Variants in KHDRBS2 observed in about 807,000 individuals in gnomAD.
KHDRBS2 encodes the protein KH domain-containing, RNA-binding, signal transduction-associated protein 2.
A neutral mutation model predicts 44.3 loss-of-function variants in KHDRBS2; 26 were observed. The ratio of observed to expected loss-of-function variants is 0.59; its 90% confidence interval spans 0.43 to 0.81. The LOEUF is 0.81. Ranked by LOEUF, KHDRBS2 falls within the 40% of genes least tolerant of loss-of-function variation. KHDRBS2 has a pLI of 0.00. For synonymous variants in KHDRBS2, 194 were observed against 151.1 expected (o/e 1.28, Z -2.08); for missense variants, 476 against 433.1 (o/e 1.10, Z -0.88).
chr6:61,614,701 TCA>T, the KHDRBS2 span, among the ~76,000 whole-genome samples: 1 of 152,152 alleles, frequency 6.6e-6, no homozygotes, highest in African/African-American at 2.4e-5. Context: ...TTTACTTTTT[TCA>T]CAGAGTGTGG....
intron 3 of KHDRBS2, among the ~76,000 whole-genome samples, chr6:62,009,178 T>C (rs971952865): frequency 2.0e-5 from 3 of 152,150 alleles, no homozygotes; most frequent in African/African-American, 7.2e-5. Flanking sequence ...TGGTCTCAGA[T>C]GGAGATGAGG....
Position 62,253,491 on chromosome 6 carries a change from C to T in KHDRBS2, c.91+32367G>A, listed in dbSNP as rs1836879764. On this transcript the variant is annotated intron_variant, in intron 1 of 8. Coordinates refer to ENST00000281156, the MANE Select transcript of KHDRBS2 (RefSeq NM_152688.4). ...CTCTATTCCCCCTGCAACCCTGCCT[C>T]CTCCTCTTTGGCCTTTTCTTCCGTC... 2.6e-5 allele frequency among the ~76,000 whole-genome samples: 4 copies of T among 151,844 alleles called. No homozygotes were observed. In the South Asian group the frequency reaches 8.3e-4, roughly 32 times the overall value.
intron 1 of KHDRBS2, among the ~76,000 whole-genome samples, chr6:62,229,701 C>T (rs967733557): frequency 3.3e-5 from 5 of 152,168 alleles, no homozygotes; most frequent in African/African-American, 1.2e-4. Flanking sequence ...TTTCCCCAAG[C>T]TGGGTAGCAC....
At chr6:61,935,107 T>A (rs1462038516) in intron 4 of KHDRBS2, among the ~76,000 whole-genome samples, 1 of 152,128 alleles carries the variant, frequency 6.6e-6, no homozygotes, top group African/African-American at 2.4e-5. Context: ...TTTCTATTTC[T>A]AAAACCCCTA....
intron 4 of KHDRBS2, among the ~76,000 whole-genome samples, chr6:61,954,054 G>A (rs12204931): frequency 6.6e-6 from 1 of 152,048 alleles, no homozygotes. Context: ...ATCAAGGTCT[G>A]TCAAATAGTA....
At chr6:61,943,818 A>G (rs887913663) in intron 4 of KHDRBS2, among the ~76,000 whole-genome samples, 2 of 152,134 alleles carry the variant, frequency 1.3e-5, no homozygotes, top group African/African-American at 4.8e-5. Flanking sequence ...AAAGAACCAC[A>G]CAAATAATCT....
intron 2 of KHDRBS2, among the ~76,000 whole-genome samples, chr6:62,073,385 C>A (rs1795636562): frequency 6.6e-6 from 1 of 151,544 alleles, no homozygotes; most frequent in African/African-American, 2.4e-5. Flanking sequence ...CTTTTTACTT[C>A]TCAAAGGTTA....
chr6:62,115,745 T>C (rs555767200), intron 2 of KHDRBS2, among the ~76,000 whole-genome samples: 34 of 152,258 alleles, frequency 2.2e-4, no homozygotes, highest in African/African-American at 6.5e-4. Context: ...TCTACACATA[T>C]AGTGAATCTC....
chr6:61,942,280 C>T (rs1235228968), intron 4 of KHDRBS2, among the ~76,000 whole-genome samples: 1 of 151,880 alleles, frequency 6.6e-6, no homozygotes, highest in Non-Finnish European at 1.5e-5. Context: ...ATTACAGATT[C>T]TAGATATGCT....
At chr6:61,827,455 T>C (rs994582451) in intron 6 of KHDRBS2, among the ~76,000 whole-genome samples, 1 of 152,204 alleles carries the variant, frequency 6.6e-6, no homozygotes, top group African/African-American at 2.4e-5. Context: ...ATTTTCTATA[T>C]TGAAAATGCT....
intron 2 of KHDRBS2, among the ~76,000 whole-genome samples, chr6:62,077,653 T>C (rs185688210): frequency 9.1e-4 from 139 of 152,032 alleles, no homozygotes; most frequent in African/African-American, 3.2e-3. Context: ...TGGAGAAAAA[T>C]GGCCCACAAC....
intron 1 of KHDRBS2, among the ~76,000 whole-genome samples, chr6:62,232,280 G>A (rs1833013599): frequency 2.6e-5 from 4 of 152,136 alleles, no homozygotes; most frequent in Middle Eastern, 6.8e-3. Context: ...TATTCTCATT[G>A]CTCAAAATAT....
chr6:61,703,254 C>T (rs191613518), intron 7 of KHDRBS2, among the ~76,000 whole-genome samples: 70 of 151,562 alleles, frequency 4.6e-4, no homozygotes, highest in African/African-American at 1.4e-3. Flanking sequence ...AGTATACAGC[C>T]AACTTTTGCC....
At chr6:62,237,692 T>C (rs1326789712) in intron 1 of KHDRBS2, among the ~76,000 whole-genome samples, 1 of 152,002 alleles carries the variant, frequency 6.6e-6, no homozygotes, top group Non-Finnish European at 1.5e-5. Context: ...AGAGGGAAAA[T>C]GTACAACACA....
intron 3 of KHDRBS2, among the ~76,000 whole-genome samples, chr6:62,046,923 T>C (rs1787826968): frequency 6.6e-6 from 1 of 151,904 alleles, no homozygotes; most frequent in Admixed American, 6.6e-5. Flanking sequence ...ATGGAGAGTT[T>C]TGCTAAAACT....
At chr6:61,878,010 T>C (rs1389566328) in intron 6 of KHDRBS2, among the ~76,000 whole-genome samples, 1 of 152,004 alleles carries the variant, frequency 6.6e-6, no homozygotes, top group African/African-American at 2.4e-5. Context: ...TTTTAGATTA[T>C]CTAAAATGTC....
intron 2 of KHDRBS2, among the ~76,000 whole-genome samples, chr6:62,111,823 G>A (rs891094898): frequency 3.9e-5 from 6 of 151,982 alleles, no homozygotes; most frequent in East Asian, 3.9e-4. Context: ...TTGAGGCTGC[G>A]ATGAGCTGTG....
chr6:62,074,283 G>C (rs1795896375), intron 2 of KHDRBS2, among the ~76,000 whole-genome samples: 1 of 151,838 alleles, frequency 6.6e-6, no homozygotes, highest in South Asian at 2.1e-4. Context: ...GCTGTGTTAA[G>C]CCACTACATT....
Position 62,047,917 on chromosome 6 carries a change from C to T in KHDRBS2, c.297G>A (p.Met99Ile), listed in dbSNP as rs553850498. The T allele has an allele frequency of 3.7e-6, 6 of 1,611,738 alleles. No homozygotes were observed. The South Asian group carries it at 4.4e-5, about 12-fold the overall frequency. ...TCATTGATCCTTTGCCCAGGATAGACATTTTAGCACCTGTTTCTTCCTGTA... is the reference window on the plus strand; with the variant it reads ...TCATTGATCCTTTGCCCAGGATAGATATTTTAGCACCTGTTTCTTCCTGTA... ...KRLQEETGAK[M>I]SILGKGSMRD... Residue 99 changes from methionine to isoleucine, a missense_variant, in exon 3 of 9, where the codon ATG (methionine) becomes ATA (isoleucine). Physicochemically the swap from Met to Ile is conservative, Grantham distance 10. Transcript: ENST00000281156.
Sources: allele counts gnomAD v4.1 joint callset (sites outside exome capture counted in the v4.1 genomes callset), GRCh38; gene constraint gnomAD v4.1.1; transcripts MANE v1.5; gene names NCBI Gene and HGNC (gene_info 2026-07-23, HGNC 2026-07-21).